The following AHRR variants were observed in gnomAD, a reference collection of about 807,000 sequenced individuals.
AHRR encodes the protein ahR repressor.
AHRR carries 28 observed loss-of-function variants against 44.0 expected under a neutral mutation model. The ratio of observed to expected loss-of-function variants is 0.64; its 90% confidence interval spans 0.47 to 0.87. The LOEUF (loss-of-function observed/expected upper bound fraction) is 0.87. Among genes scored for constraint, AHRR ranks in the 40% least tolerant of loss-of-function variants. The pLI, the probability that AHRR is intolerant of heterozygous loss-of-function variation, is 0.00. For missense variants in AHRR, 990 were observed against 953.9 expected, an observed-to-expected ratio of 1.04 and a Z score of -0.50; for synonymous variants, 434 against 407.0, an observed-to-expected ratio of 1.07 and a Z score of -0.80.
intron 10 of AHRR, 127 bp downstream of exon 10, chr5:433,074 C>A (rs1051402943): frequency 2.6e-6 from 3 of 1,158,176 alleles, no homozygotes; most frequent in South Asian, 3.3e-5. Context: ...GGCCACCACA[C>A]GAGCCACAGC....
intron 8 of AHRR, among the ~76,000 whole-genome samples, chr5:431,782 T>C (rs955033880): frequency 9.2e-5 from 14 of 152,230 alleles, no homozygotes; most frequent in African/African-American, 3.4e-4. Flanking sequence ...ACACACCCTG[T>C]GCTTTGCAGC....
intron 1 of AHRR, among the ~76,000 whole-genome samples, chr5:332,011 G>A (rs1741938983): frequency 6.6e-6 from 1 of 152,078 alleles, no homozygotes; most frequent in Non-Finnish European, 1.5e-5. Flanking sequence ...AGTATGTCGT[G>A]TTTAATTTTC....
intron 1 of AHRR, among the ~76,000 whole-genome samples, chr5:328,753 G>A (rs899805657): frequency 1.4e-4 from 21 of 152,052 alleles, no homozygotes; most frequent in Admixed American, 1.0e-3. Context: ...TGTTGCCATC[G>A]TTCAATTGTT....
intron 4 of AHRR, among the ~76,000 whole-genome samples, chr5:398,269 T>C (rs1473599637): frequency 1.3e-5 from 2 of 151,712 alleles, no homozygotes; most frequent in Non-Finnish European, 2.9e-5. Context: ...CTCCTGACCA[T>C]CCACGTAGCC....
chr5:373,805 GGCGCTCCCC>G (rs1320250120), intron 3 of AHRR, among the ~76,000 whole-genome samples: 1 of 151,240 alleles, frequency 6.6e-6, no homozygotes, highest in African/African-American at 2.4e-5. Flanking sequence ...CCACGCGCCT[GGCGCTCCCC>G]GCGCTCCTGG....
chr5:432,907 G>C lies in AHRR; in HGVS notation c.1072G>C (p.Gly358Arg). The stretch of plus-strand genomic sequence containing the variant: ...CAGGGCCCCATGCCTGTGCCTCCGG[G>C]GTGGCCCTGACCTTGTCCTTGACCC... ...PARAPCLCLRGGPDLVLDPKG... is the reference protein window; with the variant it reads ...PARAPCLCLRRGPDLVLDPKG... The change falls in exon 10 of 11, where the codon GGT becomes CGT. Residue 358 changes from glycine (G) to arginine (R), a missense_variant. Coordinates refer to ENST00000684583, the MANE Select transcript of AHRR (RefSeq NM_001377236.1). The C allele has an allele frequency of 6.2e-7, 1 of 1,613,312 alleles. No homozygotes were observed. The highest frequency in any genetic ancestry group is 8.5e-7 in the Non-Finnish European group (1 of 1,179,898).
intron 4 of AHRR, among the ~76,000 whole-genome samples, chr5:381,255 T>C (rs1733969785): frequency 6.6e-6 from 1 of 152,240 alleles, no homozygotes; most frequent in Admixed American, 6.5e-5. Context: ...ACCAGCTGTC[T>C]AGGCATCTCT....
Position 345,070 on chromosome 5 carries a change from A to ATGTG in AHRR, c.62+1130_62+1133dup, listed in dbSNP as rs150724632. Among the ~76,000 whole-genome samples the ATGTG allele has an allele frequency of 1.2e-3, 12 of 10,138 alleles. 2 individuals are homozygous for ATGTG. Among genetic ancestry groups the ATGTG allele is most frequent in the African/African-American group, 4.8e-3 (11 of 2,280 alleles). 6.7% of individuals were successfully genotyped at this position (10,138 alleles called of 152,430 possible). On this transcript the variant is annotated intron_variant, in intron 2 of 10. Coordinates refer to ENST00000684583, the MANE Select transcript of AHRR (RefSeq NM_001377236.1). The stretch of plus-strand genomic sequence containing the variant: ...ATGATGTCCCTGGCTGTGTGTGGGG[A>ATGTG]TGTGTGTGTGTGTGTGTGTGTGTGT...
rs768799918 is a variant in AHRR at position 427,830 on chromosome 5, A to C, written c.732A>C (p.Leu244=). 15 of 1,614,108 alleles carry C rather than the reference A, an allele frequency of 9.3e-6. No homozygotes were observed. In the African/African-American group the frequency reaches 1.9e-4, roughly 20 times the overall value. Residue 244 remains leucine, a synonymous_variant, in exon 8 of 11, where the codon CTA becomes CTC. Transcript: ENST00000684583. The part of the protein sequence containing the change: ...GFLTMQFQGK[L]KFLFGQKKKA... The stretch of plus-strand genomic sequence containing the variant: ...AGACGATGCAGTTTCAAGGAAAACT[A>C]AAATTCCTGTTTGGACAGAAGAAGA...
intron 7 of AHRR, among the ~76,000 whole-genome samples, chr5:425,867 G>T (rs1257018519): frequency 6.6e-6 from 1 of 152,206 alleles, no homozygotes; most frequent in Non-Finnish European, 1.5e-5. Flanking sequence ...AATACACCAA[G>T]ACCCTGCAGG....
At chr5:372,665 A>C (rs948002823) in intron 3 of AHRR, among the ~76,000 whole-genome samples, 1 of 150,716 alleles carries the variant, frequency 6.6e-6, no homozygotes, top group South Asian at 2.1e-4. Flanking sequence ...CTGACCTCCC[A>C]CCCTCCGTCT....
At chr5:421,641 G>T (rs763976199) in intron 5 of AHRR, among the ~76,000 whole-genome samples, 1 of 152,240 alleles carries the variant, frequency 6.6e-6, no homozygotes, top group Non-Finnish European at 1.5e-5. Flanking sequence ...ACCTCGAGGG[G>T]TCTCTGTTCC....
chr5:339,157 G>T (rs1257158946), intron 1 of AHRR, among the ~76,000 whole-genome samples: 1 of 152,140 alleles, frequency 6.6e-6, no homozygotes, highest in Non-Finnish European at 1.5e-5. Context: ...CACTCAGGCT[G>T]GAGTGCAGTG....
chr5:413,288 T>G (rs1735546408), intron 4 of AHRR, 56 bp from the exon 5 acceptor site: 2 of 1,319,694 alleles, frequency 1.5e-6, no homozygotes, highest in African/African-American at 3.0e-5. Context: ...TTCTTGCACT[T>G]TTTCATTTTG....
At position 404,007 on chromosome 5, in the gene AHRR, G is replaced by T. The variant is rs775871718; in HGVS notation, c.352-9337G>T. The T allele has an allele frequency of 2.8e-5, 27 of 964,096 alleles. No homozygotes were observed. The highest frequency in any genetic ancestry group is 4.2e-5 in the Non-Finnish European group (25 of 599,766). The allele number at this position is 964,096 out of a possible 1,614,324, so 59.7% of individuals were successfully genotyped here. A position where few individuals can be genotyped will look rare whatever the true frequency, so the allele number is the denominator to read the frequency against. On this transcript the variant is annotated intron_variant, in intron 4 of 10. Transcript: ENST00000684583. This position sits in a 1 kb window ranked among gnomAD's most constrained non-coding sequence, Gnocchi z 4.1. Reference sequence around the variant, plus strand: ...CTTTCTTTACAGTAATTCGAACTTGGTGTTTTTTCTTAATCCACGGCTGAA... The same window carrying T: ...CTTTCTTTACAGTAATTCGAACTTGTTGTTTTTTCTTAATCCACGGCTGAA...
rs115834377 is a variant in AHRR, at chr5:405,659, C to T, written c.352-7685C>T. 0.019 allele frequency among the ~76,000 whole-genome samples: 2,938 copies of T among 152,268 alleles called. 99 individuals are homozygous for T. Among genetic ancestry groups the T allele is most frequent in the African/African-American group, 0.067 (2,771 of 41,552 alleles). On this transcript the variant is annotated intron_variant, in intron 4 of 10. Coordinates refer to ENST00000684583, the MANE Select transcript of AHRR (RefSeq NM_001377236.1). This position sits in a 1 kb window ranked among gnomAD's most constrained non-coding sequence, Gnocchi z 4.5. ...TCGGTGGGAGTGAGGGCCTTCGGGT[C>T]GCCGGCACCTGACCCAGCAGCCTTG... is the stretch of plus-strand genomic sequence containing the variant.
At chr5:397,065 A>G (rs938111827) in intron 4 of AHRR, among the ~76,000 whole-genome samples, 3 of 111,014 alleles carry the variant, frequency 2.7e-5, no homozygotes, top group Non-Finnish European at 5.3e-5. Flanking sequence ...CTGACCATCC[A>G]CGTAGCCCCT....
intron 4 of AHRR, among the ~76,000 whole-genome samples, chr5:381,342 T>C (rs1220135906): frequency 1.3e-5 from 2 of 152,220 alleles, no homozygotes; most frequent in Admixed American, 1.3e-4. Context: ...GTTGGTTTTA[T>C]ATTTACTTTT....
rs1742395319 is a variant in AHRR at position 342,977 on chromosome 5, G to T, written c.-10-916G>T. On this transcript the variant is annotated intron_variant, in intron 1 of 10. Coordinates refer to ENST00000684583, the MANE Select transcript of AHRR (RefSeq NM_001377236.1). This position sits in a 1 kb window ranked among gnomAD's most constrained non-coding sequence, Gnocchi z 4.3. The stretch of plus-strand genomic sequence containing the variant: ...GCTAGTGACTTAAGTGGAATCCCAG[G>T]ACTGTAGAGTGGAGTAGAATTTTAC... Among the ~76,000 whole-genome samples the T allele has an allele frequency of 6.6e-6, 1 of 152,232 alleles. No individual in the cohort carries two copies. The highest frequency in any genetic ancestry group is 2.4e-5 in the African/African-American group (1 of 41,462).
Sources: gnomAD v4.1 joint callset for allele counts (sites outside exome capture counted in the v4.1 genomes callset) on GRCh38, gnomAD v4.1.1 for gene constraint, Gnocchi (gnomAD v3.1) non-coding constraint, MANE v1.5 for transcripts, NCBI Gene and HGNC (gene_info 2026-07-23, HGNC 2026-07-21) for gene names.